HYDIN: variants seen among roughly 807,000 people sequenced by gnomAD.
HYDIN encodes HYDIN axonemal central pair apparatus protein.
Under a neutral mutation model 403.9 loss-of-function variants are expected in HYDIN, and 132 were observed. The observed-to-expected ratio is 0.33, with a 90% CI of 0.28 to 0.38. The LOEUF (loss-of-function observed/expected upper bound fraction) is 0.38, where lower values mean the gene tolerates loss of function less well. Among genes scored for constraint, HYDIN ranks in the 10% least tolerant of loss-of-function variants. The probability of loss-of-function intolerance (pLI) is 1.00; values close to 1 mark genes in which losing one functional copy is unlikely to be tolerated. For missense variants in HYDIN, 2,827 were observed against 5,009.5 expected (o/e 0.56, Z 13.15); for synonymous variants, 1,202 against 1,891.7 (o/e 0.64, Z 9.46).
intron 7 of HYDIN, among the ~76,000 whole-genome samples, chr16:71,151,337 C>T (rs982624443): frequency 1.6e-4 from 25 of 151,840 alleles, no homozygotes; most frequent in African/African-American, 6.1e-4. Flanking sequence ...ACCATGGGAC[C>T]TAAGACAAGG....
chr16:71,115,825 C>A (rs1483423494), intron 9 of HYDIN, 30 bp from the exon 10 acceptor site: 3 of 717,416 alleles, frequency 4.2e-6, no homozygotes, highest in Non-Finnish European at 5.0e-6. Flanking sequence ...CATTAAAAAA[C>A]AATATGACAA....
intron 18 of HYDIN, among the ~76,000 whole-genome samples, chr16:71,052,025 G>A (rs1010336182): frequency 3.3e-5 from 5 of 152,244 alleles, no homozygotes; most frequent in African/African-American, 1.2e-4. Flanking sequence ...CTTAATTAAA[G>A]GATATAAAAG....
intron 1 of HYDIN, among the ~76,000 whole-genome samples, chr16:71,197,994 G>A (rs778334239): frequency 2.0e-5 from 3 of 152,144 alleles, no homozygotes; most frequent in African/African-American, 4.8e-5. Flanking sequence ...TGATCTGCCC[G>A]CCTCAGTCTC....
chr16:70,818,171 A>C (rs1044995192), intron 84 of HYDIN, among the ~76,000 whole-genome samples, 171 bp downstream of exon 84: 4 of 152,084 alleles, frequency 2.6e-5, no homozygotes, highest in Non-Finnish European at 4.4e-5. Context: ...TCCTATGAGG[A>C]CTTTAGCAAC....
At chr16:70,811,318 T>C (rs2035483973) in intron 84 of HYDIN, 1 of 152,986 alleles carries the variant, frequency 6.5e-6, no homozygotes, top group Admixed American at 6.6e-5. Flanking sequence ...ACACCTGTAG[T>C]CCTAGCTACT....
intron 52 of HYDIN, among the ~76,000 whole-genome samples, chr16:70,901,920 A>G (rs1567797315): frequency 6.6e-6 from 1 of 152,022 alleles, no homozygotes; most frequent in Non-Finnish European, 1.5e-5. Context: ...TTTCTCTTTC[A>G]TGTGTGGGTG....
In HYDIN at chr16:70,894,194, G is replaced by A. The variant is rs540316114; in HGVS notation, c.9248+255C>T. 1.9e-5 allele frequency: 11 copies of A among 571,714 alleles called. No homozygotes were observed. The East Asian group carries it at 3.0e-4, about 16-fold the overall frequency. 35.4% of individuals were successfully genotyped at this position (571,714 alleles called of 1,614,324 possible). Reference sequence around the variant, plus strand: ...GGCCCCTGTTAAGCTGCAGAGTTGAGAGCAGTGTGAGAATCTCTGCTCCCT... The same window carrying A: ...GGCCCCTGTTAAGCTGCAGAGTTGAAAGCAGTGTGAGAATCTCTGCTCCCT... On this transcript the variant is annotated intron_variant, in intron 55 of 85. Transcript: ENST00000393567.
intron 39 of HYDIN, among the ~76,000 whole-genome samples, chr16:70,957,151 C>T (rs770620359): frequency 1.3e-5 from 2 of 151,586 alleles, no homozygotes; most frequent in Non-Finnish European, 2.9e-5. Flanking sequence ...ACCACCCTCC[C>T]AGCCCCTTGG....
At chr16:71,215,234 G>A (rs762753024) in intron 1 of HYDIN, among the ~76,000 whole-genome samples, 6 of 151,792 alleles carry the variant, frequency 4.0e-5, no homozygotes, top group Admixed American at 3.9e-4. Context: ...AGGGAGAAAG[G>A]GAGAAATGGA....
At chr16:71,150,901 C>T (rs1038227857) in intron 7 of HYDIN, among the ~76,000 whole-genome samples, 4 of 152,202 alleles carry the variant, frequency 2.6e-5, no homozygotes, top group Non-Finnish European at 5.9e-5. Context: ...CTTGAACAGA[C>T]ACTTAAAAAG....
At chr16:71,089,242 T>TA (rs1363210624) in intron 11 of HYDIN, among the ~76,000 whole-genome samples, 2 of 152,114 alleles carry the variant, frequency 1.3e-5, no homozygotes, top group African/African-American at 4.8e-5. Context: ...CTGAGCTCCT[T>TA]CATGCACACT....
At chr16:70,891,962 A>G in intron 56 of HYDIN, 78 bp from the exon 57 acceptor site, 2 of 370,916 alleles carry the variant, frequency 5.4e-6, no homozygotes, top group Non-Finnish European at 9.5e-6. Context: ...CCCATTCCCT[A>G]TTTTCATCAT....
chr16:71,202,079 C>T (rs957179255), intron 1 of HYDIN, among the ~76,000 whole-genome samples: 5 of 152,154 alleles, frequency 3.3e-5, no homozygotes, highest in African/African-American at 9.7e-5. Context: ...TCTTATATGC[C>T]TTTGATTCTG....
chr16:70,927,693 G>A (rs1453033130), intron 45 of HYDIN, among the ~76,000 whole-genome samples: 1 of 152,184 alleles, frequency 6.6e-6, no homozygotes, highest in African/African-American at 2.4e-5. Context: ...AGAACCCTCT[G>A]GGCTAAGCCC....
intron 23 of HYDIN, among the ~76,000 whole-genome samples, chr16:71,010,119 A>AG (rs1174228894): frequency 7.6e-6 from 1 of 131,404 alleles, no homozygotes; most frequent in African/African-American, 3.1e-5. Context: ...CGGGGAAGAA[A>AG]GGGGGCTGAG....
chr16:70,842,696 T>G (rs2037910885), intron 75 of HYDIN, among the ~76,000 whole-genome samples: 2 of 151,998 alleles, frequency 1.3e-5, no homozygotes, highest in Admixed American at 1.3e-4. Flanking sequence ...ATCTTTCTAT[T>G]GAAGGGTTTA....
At chr16:70,835,276 G>A (rs1297834642) in intron 78 of HYDIN, among the ~76,000 whole-genome samples, 4 of 151,976 alleles carry the variant, frequency 2.6e-5, no homozygotes, top group African/African-American at 7.3e-5. Flanking sequence ...GATTACAGGC[G>A]TGAGCCACTA....
intron 30 of HYDIN, among the ~76,000 whole-genome samples, chr16:70,976,467 C>A (rs376606841): frequency 6.6e-6 from 1 of 150,526 alleles, no homozygotes; most frequent in Non-Finnish European, 1.5e-5. Flanking sequence ...ATCTTAATTG[C>A]GGTGGTGGGT....
At chr16:71,034,653 G>C (rs1420158778) in intron 18 of HYDIN, among the ~76,000 whole-genome samples, 2 of 152,094 alleles carry the variant, frequency 1.3e-5, no homozygotes, top group African/African-American at 4.8e-5. Context: ...TTTCTTCCTG[G>C]TTTGAAAATC....
Sources: allele counts gnomAD v4.1 joint callset (sites outside exome capture counted in the v4.1 genomes callset), GRCh38; gene constraint gnomAD v4.1.1; transcripts MANE v1.5; gene names NCBI Gene and HGNC (gene_info 2026-07-23, HGNC 2026-07-21).